The following TPR variants were observed in gnomAD, a reference collection of about 807,000 sequenced individuals.
TPR encodes nucleoprotein TPR.
A neutral mutation model predicts 316.1 loss-of-function variants in TPR; 51 were observed. The ratio of observed to expected loss-of-function variants is 0.16; its 90% CI spans 0.13 to 0.20. The LOEUF is 0.20. TPR is among the 10% of genes least tolerant of loss of function. The pLI is 1.00. For synonymous variants in TPR, 981 were observed against 914.7 expected, an observed-to-expected ratio of 1.07 and a Z score of -1.31; for missense variants, 2,272 against 2,754.8, an observed-to-expected ratio of 0.82 and a Z score of 3.92.
In TPR at chr1:186,360,855, G is replaced by T. The variant is rs1659165167; in HGVS notation, c.1009C>A (p.Gln337Lys). 1.9e-6 allele frequency: 3 copies of T among 1,612,578 alleles called. No individual in the cohort carries two copies. In the South Asian group the frequency reaches 3.3e-5, roughly 18 times the overall value. The change falls in exon 10 of 51, where the codon CAA becomes AAA. Residue 337 changes from glutamine (Q) to lysine (K), a missense_variant. Physicochemically the swap from Gln to Lys is moderately conservative, Grantham distance 53. Around this residue, in one of 10 missense-constraint regions of TPR, gnomAD observed 549 missense variants for 598.6 expected, o/e 0.92. Coordinates refer to ENST00000367478, the MANE Select transcript of TPR (RefSeq NM_003292.3). ...HLLEVEQSKD[Q>K]MEKEMLEKIG... is the part of the protein sequence containing the mutation. Reference sequence around the variant, plus strand: ...TTCTCAAGCATTTCTTTTTCCATTTGATCTTTGGATTGCTCCACCTCTAGA... The same window carrying T: ...TTCTCAAGCATTTCTTTTTCCATTTTATCTTTGGATTGCTCCACCTCTAGA...
chr1:186,346,345 T>C, intron 22 of TPR, 58 bp from the exon 23 acceptor site: 15 of 1,479,622 alleles, frequency 1.0e-5, no homozygotes, highest in Non-Finnish European at 1.4e-5. Flanking sequence ...AGTCATACAA[T>C]TATTTTCTCC....
At position 186,333,533 on chromosome 1, in the gene TPR, G is replaced by A. The variant is rs1021141465; in HGVS notation, c.5183-139C>T. 19 of 1,007,696 alleles carry A rather than the reference G, an allele frequency of 1.9e-5. 1 individual carries two copies. Among genetic ancestry groups the A allele is most frequent in the Middle Eastern group, 3.1e-4 (1 of 3,232 alleles). 62.4% of individuals were successfully genotyped at this position (1,007,696 alleles called of 1,614,324 possible). A position where few individuals can be genotyped will look rare whatever the true frequency, so the allele number is the denominator to read the frequency against. ...CAAATACATTGTAGGTAAAGGTAAT[G>A]TATTATGCATTTTTATATTCCCTAT... On this transcript the variant is annotated intron_variant, in intron 36 of 50. Transcript: ENST00000367478.
At chr1:186,358,478 C>T in intron 13 of TPR, 65 bp downstream of exon 13, 1 of 1,270,026 alleles carries the variant, frequency 7.9e-7, no homozygotes, top group African/African-American at 1.5e-5. Flanking sequence ...TACCTTCAAA[C>T]AGATTCAAAG....
chr1:186,336,691 A>C lies in TPR; in HGVS notation c.4510T>G (p.Leu1504Val). The C allele has an allele frequency of 6.2e-7, 1 of 1,612,436 alleles. No homozygotes were observed. Among genetic ancestry groups the C allele is most frequent in the Non-Finnish European group, 8.5e-7 (1 of 1,179,390 alleles). The change falls in exon 33 of 51, where the codon TTA (leucine) becomes GTA (valine). Residue 1504 changes from leucine to valine, a missense_variant. Around this residue, in one of 10 missense-constraint regions of TPR, gnomAD observed 101 missense variants for 113.0 expected, o/e 0.89. Coordinates refer to ENST00000367478, the MANE Select transcript of TPR (RefSeq NM_003292.3). ...CTTGCTTCTGTCTCTTTTTCAGATA[A>C]TGTCTTTAAAGGAAAACAAAGTATT... ...ESQVENLQKTLSEKETEARNL... is the reference protein window; with the variant it reads ...ESQVENLQKTVSEKETEARNL...
Position 186,334,491 on chromosome 1 carries a change from A to C in TPR, c.5016T>G (p.Thr1672=). The C allele has an allele frequency of 6.2e-7, 1 of 1,613,706 alleles. No homozygotes were observed. The highest frequency in any genetic ancestry group is 8.5e-7 in the Non-Finnish European group (1 of 1,179,722). ...SDPPTANIKP[T]PVVSTPSKVT... Reference sequence around the variant, plus strand: ...CTTTACTTGGAGTAGACACAACAGGAGTTGGCTTGATATTGGCTGTTGGTG... The same window carrying C: ...CTTTACTTGGAGTAGACACAACAGGCGTTGGCTTGATATTGGCTGTTGGTG... Residue 1672 remains threonine, a synonymous_variant, in exon 36 of 51, where the codon ACT becomes ACG. Coordinates refer to ENST00000367478, the MANE Select transcript of TPR (RefSeq NM_003292.3).
At chr1:186,333,051 A>G in intron 37 of TPR, 71 bp downstream of exon 37, 1 of 1,520,844 alleles carries the variant, frequency 6.6e-7, no homozygotes, top group Non-Finnish European at 8.9e-7. Context: ...CAAGATATAT[A>G]TACTCAAGAT....
At position 186,375,173 on chromosome 1, in the gene TPR, C is replaced by T; in HGVS notation, c.-145G>A. On this transcript the variant is annotated 5_prime_UTR_variant, in exon 1 of 51. Transcript: ENST00000367478. ...CGCGCGCGCCCGCCCGCCGGAGACT[C>T]CCGCGGCGGGACCCTGGGAAATCGA... The T allele has an allele frequency of 4.5e-6, 7 of 1,539,250 alleles. No individual in the cohort carries two copies. The highest frequency in any genetic ancestry group is 2.2e-4 in the Middle Eastern group (1 of 4,632).
intron 12 of TPR, 133 bp from the exon 13 acceptor site, chr1:186,358,783 C>G: frequency 4.4e-6 from 3 of 684,632 alleles, no homozygotes; most frequent in Non-Finnish European, 2.4e-6. Flanking sequence ...AATATTGTAG[C>G]CACTAAAAAA....
chr1:186,370,048 C>G (rs1659475181), intron 3 of TPR, among the ~76,000 whole-genome samples: 1 of 152,052 alleles, frequency 6.6e-6, no homozygotes, highest in African/African-American at 2.4e-5. Flanking sequence ...GGTTTTATTT[C>G]TGGACTGCCT....
At chr1:186,345,985 T>C in intron 23 of TPR, 150 bp downstream of exon 23, 1 of 802,806 alleles carries the variant, frequency 1.2e-6, no homozygotes, top group Non-Finnish European at 1.9e-6. Context: ...TATATAGAGG[T>C]ACAGAAAAGA....
Position 186,341,192 on chromosome 1 carries a change from T to A in TPR, c.3889-33A>T, listed in dbSNP as rs760987641. ...TCATGCCAATATTTAACAACAAATG[T>A]AAAAATTCATTTATTATTAAAAACA... On this transcript the variant is annotated intron_variant, in intron 28 of 50. Transcript: ENST00000367478. 16 of 1,612,434 alleles carry A rather than the reference T, an allele frequency of 9.9e-6. No individual in the cohort carries two copies. The East Asian group carries it at 3.1e-4, about 31-fold the overall frequency.
intron 25 of TPR, 25 bp downstream of exon 25, chr1:186,344,350 A>G (rs367844093): frequency 5.0e-6 from 8 of 1,605,504 alleles, no homozygotes; most frequent in Non-Finnish European, 6.8e-6. Context: ...TCAACAGAAC[A>G]TTCTATTCAG....
At chr1:186,340,951 AT>A (rs1658491847) in intron 29 of TPR, 76 bp downstream of exon 29, 1 of 1,531,976 alleles carries the variant, frequency 6.5e-7, no homozygotes, top group Non-Finnish European at 8.8e-7. Context: ...TTCCTCAAAT[AT>A]TTTTATTCCC....
intron 14 of TPR, among the ~76,000 whole-genome samples, chr1:186,357,050 G>T (rs1026054057): frequency 6.6e-6 from 1 of 152,024 alleles, no homozygotes; most frequent in Non-Finnish European, 1.5e-5. Flanking sequence ...GGAACACATA[G>T]ATTTTTTTTG....
chr1:186,370,002 C>G (rs1273700942), intron 3 of TPR, among the ~76,000 whole-genome samples: 1 of 152,030 alleles, frequency 6.6e-6, no homozygotes, highest in East Asian at 1.9e-4. Context: ...TGTGACAGCT[C>G]TGCTTCTTTC....
chr1:186,332,376 T>C (rs373564886), intron 37 of TPR, 33 bp from the exon 38 acceptor site: 7 of 1,605,576 alleles, frequency 4.4e-6, no homozygotes, highest in African/African-American at 4.0e-5. Flanking sequence ...AATTAGAGCA[T>C]GATAATAACT....
intron 39 of TPR, 95 bp from the exon 40 acceptor site, chr1:186,327,755 A>T: frequency 1.9e-6 from 2 of 1,033,108 alleles, no homozygotes; most frequent in Non-Finnish European, 2.9e-6. Context: ...GTAAAGAATA[A>T]TGAGTACTTA....
intron 49 of TPR, among the ~76,000 whole-genome samples, chr1:186,316,301 T>G (rs1367545402): frequency 6.6e-6 from 1 of 152,178 alleles, no homozygotes; most frequent in South Asian, 2.1e-4. Context: ...AGATTAGTTA[T>G]GAGTATCCAT....
chr1:186,326,634 C>T (rs1241218310), intron 40 of TPR, among the ~76,000 whole-genome samples: 1 of 151,066 alleles, frequency 6.6e-6, no homozygotes, highest in African/African-American at 2.4e-5. Context: ...GGATTAAACC[C>T]CAAAATAAAA....
Sources: allele counts gnomAD v4.1 joint callset (sites outside exome capture counted in the v4.1 genomes callset), GRCh38; gene constraint gnomAD v4.1.1; regional missense constraint gnomAD v4.1.1; transcripts MANE v1.5; gene names NCBI Gene and HGNC (gene_info 2026-07-23, HGNC 2026-07-21).